CD163L1: variants seen among roughly 807,000 people sequenced by gnomAD.
CD163L1 encodes the protein scavenger receptor cysteine-rich type 1 protein M160.
CD163L1 carries 124 observed loss-of-function variants against 165.4 expected under a neutral mutation model. The observed-to-expected ratio is 0.75, with a 90% CI of 0.65 to 0.87. The LOEUF is 0.87. CD163L1 is among the 40% of genes least tolerant of loss of function. The pLI, the probability that CD163L1 is intolerant of heterozygous loss-of-function variation, is 0.00. For missense variants in CD163L1, 1,525 were observed against 1,799.9 expected (o/e 0.85, Z 2.76); for synonymous variants, 585 against 662.2 (o/e 0.88, Z 1.79).
At chr12:7,356,661 T>G (rs986088231) in intron 19 of CD163L1, among the ~76,000 whole-genome samples, 2 of 152,156 alleles carry the variant, frequency 1.3e-5, no homozygotes, top group African/African-American at 2.4e-5. Context: ...CACAGTGCTT[T>G]CTAGTCCTTT....
rs1485699052 is a variant in CD163L1 at position 7,378,992 on chromosome 12, C to T, written c.2357G>A (p.Ser786Asn). ...CCAGAAATTACCTGAGCAGATCAAA[C>T]TTGCTTCCATATTTAAATGACACGC... ...QTACHLNMEA[S>N]LICSAHRQPR... is the part of the protein sequence containing the mutation. The change falls in exon 9 of 20, where the codon AGT (serine) becomes AAT (asparagine). Residue 786 changes from serine to asparagine, a missense_variant. By Grantham distance (46) the Ser-to-Asn change is conservative (BLOSUM62 1). Transcript: ENST00000313599. 1 of 1,604,350 alleles carries T rather than the reference C, an allele frequency of 6.2e-7. No individual in the cohort carries two copies. The highest frequency in any genetic ancestry group is 8.5e-7 in the Non-Finnish European group (1 of 1,171,718).
the CD163L1 span, among the ~76,000 whole-genome samples, chr12:7,319,774 T>G: frequency 1.3e-5 from 2 of 152,124 alleles, no homozygotes; most frequent in Admixed American, 6.6e-5. Flanking sequence ...AGAACTGAGA[T>G]CTCTACATCA....
chr12:7,326,941 C>G, the CD163L1 span: 1 of 1,554,560 alleles, frequency 6.4e-7, no homozygotes, highest in Non-Finnish European at 8.7e-7. Flanking sequence ...GTCTGAAAAA[C>G]AAATGAGCAA....
chr12:7,344,549 G>A (rs372391355), downstream of CD163L1, among the ~76,000 whole-genome samples: 1 of 152,196 alleles, frequency 6.6e-6, no homozygotes, highest in African/African-American at 2.4e-5. Flanking sequence ...TACCATTCTT[G>A]GGTCTGGAAG....
At chr12:7,319,876 A>T in the CD163L1 span, among the ~76,000 whole-genome samples, 1 of 152,208 alleles carries the variant, frequency 6.6e-6, no homozygotes, top group Non-Finnish European at 1.5e-5. Context: ...TACAAAAATC[A>T]TGTGTGTATT....
At chr12:7,442,918 A>G (rs1948848566) in intron 1 of CD163L1, among the ~76,000 whole-genome samples, 1 of 152,214 alleles carries the variant, frequency 6.6e-6, no homozygotes, top group Non-Finnish European at 1.5e-5. Flanking sequence ...AATTCTTGAG[A>G]AGGAGAATTA....
chr12:7,380,147 G>A (rs1017821057), intron 8 of CD163L1, among the ~76,000 whole-genome samples: 9 of 151,996 alleles, frequency 5.9e-5, no homozygotes, highest in Non-Finnish European at 8.8e-5. Context: ...TATCTACCCA[G>A]AGGAAAATAA....
At chr12:7,423,824 G>A (rs1312086258) in intron 4 of CD163L1, among the ~76,000 whole-genome samples, 3 of 152,110 alleles carry the variant, frequency 2.0e-5, no homozygotes, top group African/African-American at 7.2e-5. Flanking sequence ...TTCTGAAAAT[G>A]AGGCCCTAAT....
chr12:7,367,640 T>C (rs1947051481), intron 17 of CD163L1: 1 of 228,870 alleles, frequency 4.4e-6, no homozygotes, highest in Admixed American at 5.1e-5. Context: ...TTATTATCTT[T>C]ACAAATTAGG....
Position 7,369,804 on chromosome 12 carries a change from G to A in CD163L1, c.3731-139C>T. 1 of 706,008 alleles carries A rather than the reference G, an allele frequency of 1.4e-6. No homozygotes were observed. Among genetic ancestry groups the A allele is most frequent in the Middle Eastern group, 3.9e-4 (1 of 2,574 alleles). The allele number at this position is 706,008 out of a possible 1,614,324, so 43.7% of individuals were successfully genotyped here. ...GAAGGCAGAATTTCAATGTTACATA[G>A]ATTAGACAAGAACCTGTGAAGTGAA... On this transcript the variant is annotated intron_variant, in intron 14 of 19. Coordinates refer to ENST00000313599, the MANE Select transcript of CD163L1 (RefSeq NM_174941.6). The surrounding 1 kb of genome is among the most constrained non-coding windows in gnomAD (Gnocchi z 4.9).
chr12:7,331,598 G>T, the CD163L1 span, among the ~76,000 whole-genome samples: 1 of 152,166 alleles, frequency 6.6e-6, no homozygotes, highest in African/African-American at 2.4e-5. Context: ...CCAGAGGAAC[G>T]ATCAGGCAGC....
At chr12:7,323,671 G>A in the CD163L1 span, 4 of 889,328 alleles carry the variant, frequency 4.5e-6, no homozygotes, top group African/African-American at 3.3e-5. Flanking sequence ...TTTCACAACT[G>A]TAAAATGGGG....
Position 7,396,421 on chromosome 12 carries a change from C to G in CD163L1, c.1730-6G>C. 6.3e-7 allele frequency: 1 copy of G among 1,594,120 alleles called. No homozygotes were observed. On this transcript the variant is annotated splice_region_variant and splice_polypyrimidine_tract_variant and intron_variant, in intron 7 of 19. Coordinates refer to ENST00000313599, the MANE Select transcript of CD163L1 (RefSeq NM_174941.6). Reference sequence around the variant, plus strand: ...CAGGCCCCATGTTGCATCACCTGCACCAAGAACAATGAAGCAAGTAGTTAA... The same window carrying G: ...CAGGCCCCATGTTGCATCACCTGCAGCAAGAACAATGAAGCAAGTAGTTAA...
chr12:7,392,786 T>C lies in CD163L1; in HGVS notation c.2050+3309A>G, dbSNP rs766083331. 4.6e-5 allele frequency among the ~76,000 whole-genome samples: 7 copies of C among 152,192 alleles called. No homozygotes were observed. The South Asian group carries it at 1.5e-3, about 32-fold the overall frequency. Reference sequence around the variant, plus strand: ...TACAAACTACCATCAGAGAACACTATAAACACCTCTACGCAAATAAACTAG... The same window carrying C: ...TACAAACTACCATCAGAGAACACTACAAACACCTCTACGCAAATAAACTAG... On this transcript the variant is annotated intron_variant, in intron 8 of 19. Coordinates refer to ENST00000313599, the MANE Select transcript of CD163L1 (RefSeq NM_174941.6).
At chr12:7,405,894 T>C (rs770869565) in intron 5 of CD163L1, among the ~76,000 whole-genome samples, 1 of 152,252 alleles carries the variant, frequency 6.6e-6, no homozygotes, top group East Asian at 1.9e-4. Flanking sequence ...TCTTTGAACA[T>C]AAAATACTAC....
rs1243934811 is a variant in CD163L1, at chr12:7,374,398, G to T, written c.3409+44C>A. 1.9e-6 allele frequency: 3 copies of T among 1,549,724 alleles called. No homozygotes were observed. The highest frequency in any genetic ancestry group is 2.3e-5 in the East Asian group (1 of 44,392). On this transcript the variant is annotated intron_variant, in intron 13 of 19. Transcript: ENST00000313599. The surrounding 1 kb of genome is among the most constrained non-coding windows in gnomAD (Gnocchi z 5.4). ...AATTGTGTTGTGTGTGTGCAAGTGTGTGCACGTGTGTGTAGAGGAGGGTGA... is the reference window on the plus strand; with the variant it reads ...AATTGTGTTGTGTGTGTGCAAGTGTTTGCACGTGTGTGTAGAGGAGGGTGA...
chr12:7,346,484 T>TC (rs770109761), downstream of CD163L1, among the ~76,000 whole-genome samples: 19 of 152,310 alleles, frequency 1.2e-4, no homozygotes, highest in East Asian at 2.5e-3. Context: ...CTCTTTTTTT[T>TC]CTCTGTCTGC....
intron 8 of CD163L1, among the ~76,000 whole-genome samples, chr12:7,393,837 A>G (rs1186693887): frequency 2.0e-5 from 3 of 152,194 alleles, no homozygotes; most frequent in Admixed American, 6.5e-5. Context: ...CAAAGAGAAT[A>G]AAATACCTAG....
At chr12:7,431,361 G>A (rs751311621) in intron 4 of CD163L1, among the ~76,000 whole-genome samples, 2 of 151,770 alleles carry the variant, frequency 1.3e-5, no homozygotes, top group Admixed American at 6.6e-5. Context: ...AGGTTGCAGT[G>A]AGCCGAGATC....
Sources: allele counts gnomAD v4.1 joint callset (sites outside exome capture counted in the v4.1 genomes callset), GRCh38; gene constraint gnomAD v4.1.1; non-coding constraint Gnocchi (gnomAD v3.1); transcripts MANE v1.5; gene names NCBI Gene and HGNC (gene_info 2026-07-23, HGNC 2026-07-21).